Variants in ARHGAP22 observed in about 807,000 individuals in gnomAD.
The protein encoded by ARHGAP22 is rho GTPase-activating protein 22.
A neutral mutation model predicts 59.1 loss-of-function variants in ARHGAP22; 48 were observed. The ratio of observed to expected loss-of-function variants is 0.81; its 90% CI spans 0.64 to 1.03. The LOEUF (loss-of-function observed/expected upper bound fraction) is 1.03, where lower values mean the gene tolerates loss of function less well. Ranked by LOEUF, ARHGAP22 falls within the 50% of genes least tolerant of loss-of-function variation. The pLI, the probability that ARHGAP22 is intolerant of heterozygous loss-of-function variation, is 0.00. For synonymous variants in ARHGAP22, 445 were observed against 416.4 expected, an observed-to-expected ratio of 1.07 and a Z score of -0.84; for missense variants, 1,015 against 958.7, an observed-to-expected ratio of 1.06 and a Z score of -0.78.
At position 48,560,897 on chromosome 10, in the gene ARHGAP22, T is replaced by C. The variant is rs545025606; in HGVS notation, c.235-5347A>G. The stretch of plus-strand genomic sequence containing the variant: ...TTTTTATGTATTGTTAGATTCAATA[T>C]GCTAAAATTTGGTTGAAAATTTTTT... On this transcript the variant is annotated intron_variant, in intron 2 of 9. Coordinates refer to ENST00000249601, the MANE Select transcript of ARHGAP22 (RefSeq NM_021226.4). Among the ~76,000 whole-genome samples, 24 of 152,304 alleles carry C rather than the reference T, an allele frequency of 1.6e-4. No individual in the cohort carries two copies. The South Asian group carries it at 5.0e-3, about 32-fold the overall frequency.
At chr10:48,609,483 G>T (rs2060798459), upstream of ARHGAP22, among the ~76,000 whole-genome samples, 1 of 152,158 alleles carries the variant, frequency 6.6e-6, no homozygotes, top group Non-Finnish European at 1.5e-5. Context: ...CCTGCAGTCT[G>T]GGGCTCTGAA....
At chr10:48,500,414 T>C (rs924166612) in intron 3 of ARHGAP22, among the ~76,000 whole-genome samples, 4 of 152,084 alleles carry the variant, frequency 2.6e-5, no homozygotes, top group African/African-American at 9.7e-5. Flanking sequence ...CTGGGTGGCA[T>C]GACCAGAGAA....
chr10:48,476,025 C>T (rs900908791), intron 4 of ARHGAP22, among the ~76,000 whole-genome samples: 1 of 152,196 alleles, frequency 6.6e-6, no homozygotes, highest in East Asian at 1.9e-4. Flanking sequence ...AACCCTATCT[C>T]TTGTGTTCCC....
At position 48,450,770 on chromosome 10, in the gene ARHGAP22, G is replaced by C; in HGVS notation, c.1359C>G (p.Ile453Met). Residue 453 changes from isoleucine to methionine, a missense_variant, in exon 9 of 10, where the codon ATC (isoleucine) becomes ATG (methionine). By Grantham distance (10) the Ile-to-Met change is conservative (BLOSUM62 1). Transcript: ENST00000249601. ...TAAGCCAGTTCCCGCCGGAGGAGAT[G>C]ATGGGCACCTCCAGGGATGAGCCGC... is the stretch of plus-strand genomic sequence containing the variant. ...KGGGSSLEVP[I>M]ISSGGNWLMN... 6.4e-7 allele frequency: 1 copy of C among 1,565,730 alleles called. No individual in the cohort carries two copies. Among genetic ancestry groups the C allele is most frequent in the Non-Finnish European group, 8.7e-7 (1 of 1,155,512 alleles).
intron 3 of ARHGAP22, among the ~76,000 whole-genome samples, chr10:48,485,576 A>G (rs1227217126): frequency 6.6e-6 from 1 of 152,158 alleles, no homozygotes; most frequent in Admixed American, 6.5e-5. Flanking sequence ...TCTTCTATCA[A>G]TTATTGAGAG....
intron 2 of ARHGAP22, among the ~76,000 whole-genome samples, chr10:48,573,585 C>T (rs1280262717): frequency 1.3e-5 from 2 of 152,344 alleles, no homozygotes; most frequent in African/African-American, 2.4e-5. Context: ...TCTAGATCTG[C>T]AACTTCCTTT....
At chr10:48,588,312 G>A (rs1044650655) in intron 1 of ARHGAP22, among the ~76,000 whole-genome samples, 4 of 152,216 alleles carry the variant, frequency 2.6e-5, no homozygotes, top group African/African-American at 7.2e-5. Flanking sequence ...TGACAAGGAA[G>A]CACTTCCTGC....
At chr10:48,466,588 G>T (rs1204099619) in intron 4 of ARHGAP22, 2 of 146,712 alleles carry the variant, frequency 1.4e-5, no homozygotes, top group Admixed American at 1.4e-4. Context: ...GGGGCGGCGG[G>T]CGCGCAACAA....
At chr10:48,586,557 T>C (rs1414201326) in intron 1 of ARHGAP22, among the ~76,000 whole-genome samples, 1 of 152,210 alleles carries the variant, frequency 6.6e-6, no homozygotes, top group Non-Finnish European at 1.5e-5. Flanking sequence ...CCCCTGGCCC[T>C]TTAAATGTCA....
chr10:48,464,775 A>G (rs1333025612), intron 4 of ARHGAP22, among the ~76,000 whole-genome samples: 2 of 152,090 alleles, frequency 1.3e-5, no homozygotes, highest in Admixed American at 6.5e-5. Flanking sequence ...CATCTATGAA[A>G]TCTATAAAAT....
chr10:48,598,646 C>T lies in ARHGAP22; in HGVS notation c.34+6117G>A, dbSNP rs545406853. Among the ~76,000 whole-genome samples the T allele has an allele frequency of 1.6e-3, 246 of 152,362 alleles. 1 individual carries two copies. Among genetic ancestry groups the T allele is most frequent in the African/African-American group, 5.7e-3 (237 of 41,584 alleles). On this transcript the variant is annotated intron_variant, in intron 1 of 9. Coordinates refer to ENST00000249601, the MANE Select transcript of ARHGAP22 (RefSeq NM_021226.4). ...ACTCCCTGCGCACCTGCTGCCCCCA[C>T]TGCAGCCTGCATCATTGACTAAGGC...
chr10:48,561,829 C>G (rs2057705254), intron 2 of ARHGAP22, among the ~76,000 whole-genome samples: 2 of 152,186 alleles, frequency 1.3e-5, no homozygotes, highest in Non-Finnish European at 2.9e-5. Context: ...ACTGACCAGA[C>G]TAAGTGTTGG....
At chr10:48,498,250 G>A (rs1447974160) in intron 3 of ARHGAP22, among the ~76,000 whole-genome samples, 1 of 152,096 alleles carries the variant, frequency 6.6e-6, no homozygotes, top group Non-Finnish European at 1.5e-5. Flanking sequence ...ATCCCTGCAG[G>A]GACCACGGCA....
At chr10:48,461,560 G>C (rs2047136563) in intron 4 of ARHGAP22, among the ~76,000 whole-genome samples, 1 of 152,184 alleles carries the variant, frequency 6.6e-6, no homozygotes, top group Admixed American at 6.5e-5. Context: ...AGGAGGCAGA[G>C]GAACTTCTGA....
upstream of ARHGAP22, among the ~76,000 whole-genome samples, chr10:48,607,673 CAG>C (rs1239024858): frequency 3.3e-5 from 5 of 152,190 alleles, no homozygotes; most frequent in Non-Finnish European, 5.9e-5. Flanking sequence ...GTGGGACACC[CAG>C]ACCAAGGAGT....
intron 3 of ARHGAP22, among the ~76,000 whole-genome samples, chr10:48,480,985 C>T (rs772245052): frequency 1.3e-5 from 2 of 152,198 alleles, no homozygotes; most frequent in Non-Finnish European, 2.9e-5. Context: ...ACAGCGGGCC[C>T]GTGGGGAGGC....
At chr10:48,570,931 C>T (rs1481171947) in intron 2 of ARHGAP22, among the ~76,000 whole-genome samples, 3 of 152,222 alleles carry the variant, frequency 2.0e-5, no homozygotes, top group Admixed American at 6.5e-5. Context: ...GGGAAACTGC[C>T]CTGCTCTGGC....
intron 1 of ARHGAP22, among the ~76,000 whole-genome samples, chr10:48,586,581 T>C (rs925647995): frequency 5.9e-5 from 9 of 152,188 alleles, no homozygotes; most frequent in Non-Finnish European, 7.3e-5. Context: ...TACACTGCCT[T>C]CTAGAGATGG....
chr10:48,583,168 A>T lies in ARHGAP22; in HGVS notation c.35-16T>A. 6.2e-7 allele frequency: 1 copy of T among 1,609,940 alleles called. No individual in the cohort carries two copies. Among genetic ancestry groups the T allele is most frequent in the Non-Finnish European group, 8.5e-7 (1 of 1,177,428 alleles). On this transcript the variant is annotated splice_polypyrimidine_tract_variant and intron_variant, in intron 1 of 9. Transcript: ENST00000249601. ...TTGGAGCGGGCTGAAAGCCAAGGACACACAGAGTGAGCATGAAGGCAGCGT... is the reference window on the plus strand; with the variant it reads ...TTGGAGCGGGCTGAAAGCCAAGGACTCACAGAGTGAGCATGAAGGCAGCGT...
Sources: allele counts gnomAD v4.1 joint callset (sites outside exome capture counted in the v4.1 genomes callset), GRCh38; gene constraint gnomAD v4.1.1; transcripts MANE v1.5; gene names NCBI Gene and HGNC (gene_info 2026-07-23, HGNC 2026-07-21).